GAD1: variants seen among roughly 807,000 people sequenced by gnomAD.
GAD1 encodes the protein 67 kDa glutamic acid decarboxylase.
GAD1 carries 35 observed loss-of-function variants against 75.2 expected under a neutral mutation model. The ratio of observed to expected loss-of-function variants is 0.47; its 90% CI spans 0.36 to 0.62. GAD1 has a LOEUF of 0.62. Among genes scored for constraint, GAD1 ranks in the 20% least tolerant of loss-of-function variants. GAD1 has a pLI of 0.00. For missense variants in GAD1, 490 were observed against 758.5 expected (o/e 0.65, Z 4.16); for synonymous variants, 257 against 271.9 (o/e 0.95, Z 0.54).
chr2:170,819,096 TC>T (rs1344477578), intron 2 of GAD1, among the ~76,000 whole-genome samples: 1 of 152,070 alleles, frequency 6.6e-6, no homozygotes. Flanking sequence ...CCTCCTCCTT[TC>T]CCCCTGGGCT....
At chr2:170,823,948 T>C (rs1701961309) in intron 3 of GAD1, among the ~76,000 whole-genome samples, 1 of 152,100 alleles carries the variant, frequency 6.6e-6, no homozygotes, top group Admixed American at 6.5e-5. Flanking sequence ...TCCGCGGGAA[T>C]AAAAGGTCTA....
At position 170,853,847 on chromosome 2, in the gene GAD1, T is replaced by C; in HGVS notation, c.1264-26T>C. 2 of 1,613,772 alleles carry C rather than the reference T, an allele frequency of 1.2e-6. No individual in the cohort carries two copies. Among genetic ancestry groups the C allele is most frequent in the East Asian group, 4.5e-5 (2 of 44,870 alleles). ...CACATCTCTGATGTGTAAATGCAGA[T>C]GCACCCATCTTAATTTCCATGATAG... On this transcript the variant is annotated intron_variant, in intron 13 of 16. Coordinates refer to ENST00000358196, the MANE Select transcript of GAD1 (RefSeq NM_000817.3). The surrounding 1 kb of genome is among the most constrained non-coding windows in gnomAD (Gnocchi z 4.1).
chr2:170,814,133 T>C (rs1361530346), upstream of GAD1, among the ~76,000 whole-genome samples: 1 of 151,870 alleles, frequency 6.6e-6, no homozygotes, highest in African/African-American at 2.4e-5. Context: ...TAAACAAAAA[T>C]ATAGGTTTCA....
chr2:170,817,399 A>G (rs1228583545), intron 1 of GAD1: 1 of 152,298 alleles, frequency 6.6e-6, no homozygotes, highest in Non-Finnish European at 1.5e-5. Flanking sequence ...GCAGCAGCCG[A>G]AGGCGCTACT....
At chr2:170,852,887 G>GCCAATCTCGTGAGTCAGCCA in intron 13 of GAD1, 95 bp downstream of exon 13, 1 of 1,070,154 alleles carries the variant, frequency 9.3e-7, no homozygotes, top group Non-Finnish European at 1.4e-6. Flanking sequence ...CTTGTTGGCT[G>GCCAATCTCGTGAGTCAGCCA]ACTCACGAGA....
intron 4 of GAD1, among the ~76,000 whole-genome samples, chr2:170,830,444 T>C (rs1297654413): frequency 6.6e-6 from 1 of 152,240 alleles, no homozygotes; most frequent in African/African-American, 2.4e-5. Flanking sequence ...TCCCACCTTC[T>C]TGAGCCCCAT....
intron 12 of GAD1, chr2:170,852,446 AC>A (rs1190969739): frequency 2.1e-6 from 1 of 483,910 alleles, no homozygotes; most frequent in Non-Finnish European, 3.8e-6. Flanking sequence ...TTGATATAAT[AC>A]CTGAAAGCTC....
chr2:170,814,538 C>T (rs371629307), upstream of GAD1, among the ~76,000 whole-genome samples: 37 of 152,324 alleles, frequency 2.4e-4, no homozygotes, highest in South Asian at 7.7e-3. Context: ...CTCCCTGCCT[C>T]ACCGGAATGT....
At chr2:170,842,710 A>G in intron 6 of GAD1, 1 of 1,609,742 alleles carries the variant, frequency 6.2e-7, no homozygotes, top group Non-Finnish European at 8.5e-7. Flanking sequence ...GGGGCCTCCC[A>G]AGGAAAATGG....
At chr2:170,817,722 C>G (rs1397302908) in intron 1 of GAD1, 1 of 152,362 alleles carries the variant, frequency 6.6e-6, no homozygotes, top group Non-Finnish European at 1.5e-5. Flanking sequence ...ACTTACCCCA[C>G]CCTCTCTGGA....
intron 3 of GAD1, among the ~76,000 whole-genome samples, chr2:170,823,072 A>C (rs1701932508): frequency 6.6e-6 from 1 of 152,242 alleles, no homozygotes; most frequent in Non-Finnish European, 1.5e-5. Context: ...TTTCCTGGCT[A>C]CATTTCACCG....
intron 14 of GAD1, among the ~76,000 whole-genome samples, chr2:170,856,501 TTTG>T (rs372609026): frequency 1.7e-4 from 26 of 152,338 alleles, no homozygotes; most frequent in South Asian, 1.4e-3. Flanking sequence ...GAACCAGTTA[TTTG>T]TTGTTGTTGT....
chr2:170,831,424 T>C (rs1377090264), intron 5 of GAD1, among the ~76,000 whole-genome samples: 1 of 152,046 alleles, frequency 6.6e-6, no homozygotes, highest in East Asian at 1.9e-4. Context: ...ATAAAAAAGA[T>C]ATAAATGCTT....
chr2:170,853,964 C>G lies in GAD1; in HGVS notation c.1355C>G (p.Ala452Gly). 1 of 1,614,126 alleles carries G rather than the reference C, an allele frequency of 6.2e-7. No individual in the cohort carries two copies. Among genetic ancestry groups the G allele is most frequent in the Non-Finnish European group, 8.5e-7 (1 of 1,180,036 alleles). Reference sequence around the variant, plus strand: ...GTCTCCTACGACACCGGGGACAAGGCAATTCAGTGTGGCCGCCACGTGGAT... The same window carrying G: ...GTCTCCTACGACACCGGGGACAAGGGAATTCAGTGTGGCCGCCACGTGGAT... ...YDVSYDTGDK[A>G]IQCGRHVDIF... is the part of the protein sequence containing the mutation. Residue 452 changes from alanine to glycine, a missense_variant, in exon 14 of 17, where the codon GCA becomes GGA. By Grantham distance (60) the Ala-to-Gly change is moderately conservative. Coordinates refer to ENST00000358196, the MANE Select transcript of GAD1 (RefSeq NM_000817.3). The surrounding 1 kb of genome is among the most constrained non-coding windows in gnomAD (Gnocchi z 4.1).
intron 3 of GAD1, among the ~76,000 whole-genome samples, chr2:170,824,948 G>GTGTGTGTGTA (rs1553574269): frequency 3.3e-5 from 5 of 150,928 alleles, no homozygotes; most frequent in African/African-American, 1.2e-4. Flanking sequence ...GTGTGTGTGT[G>GTGTGTGTGTA]TGTATGTATG....
intron 5 of GAD1, among the ~76,000 whole-genome samples, chr2:170,835,324 T>C (rs1702344470): frequency 6.6e-6 from 1 of 152,226 alleles, no homozygotes; most frequent in Non-Finnish European, 1.5e-5. Context: ...TTTTTTCTTG[T>C]AGTTTATTTG....
At chr2:170,845,329 C>G in intron 7 of GAD1, 177 bp from the exon 8 acceptor site, 1 of 674,738 alleles carries the variant, frequency 1.5e-6, no homozygotes, top group Non-Finnish European at 2.7e-6. Flanking sequence ...ACTTGTATTC[C>G]CAGGGTAAAG....
intron 11 of GAD1, among the ~76,000 whole-genome samples, chr2:170,848,269 A>G (rs1325412066): frequency 6.6e-6 from 1 of 152,176 alleles, no homozygotes; most frequent in Admixed American, 6.5e-5. Context: ...CGGCCAAGGC[A>G]GGTGGATCAC....
Position 170,831,037 on chromosome 2 carries a change from C to T in GAD1, c.392C>T (p.Thr131Ile), listed in dbSNP as rs1326457415. 3 of 1,614,202 alleles carry T rather than the reference C, an allele frequency of 1.9e-6. No individual in the cohort carries two copies. Among genetic ancestry groups the T allele is most frequent in the East Asian group, 2.2e-5 (1 of 44,878 alleles). ...VDILLNYVRK[T>I]FDRSTKVLDF... ...ATACTCCTCAACTATGTCCGCAAGA[C>T]ATTTGATCGCTCCACCAAGGTGCTG... Residue 131 changes from threonine (T) to isoleucine (I), a missense_variant, in exon 5 of 17, where the codon ACA (threonine) becomes ATA (isoleucine). This residue lies in a region of GAD1 where 165 missense variants were observed against 216.4 expected (regional missense o/e 0.76). Transcript: ENST00000358196.
Sources: gnomAD v4.1 joint callset for allele counts (sites outside exome capture counted in the v4.1 genomes callset) on GRCh38, gnomAD v4.1.1 for gene constraint, gnomAD v4.1.1 regional missense constraint, Gnocchi (gnomAD v3.1) non-coding constraint, MANE v1.5 for transcripts, NCBI Gene and HGNC (gene_info 2026-07-23, HGNC 2026-07-21) for gene names.